FAM162A: variants seen among roughly 807,000 people sequenced by gnomAD.
FAM162A encodes the protein family with sequence similarity 162 member A.
In FAM162A, 23 loss-of-function variants were observed where a neutral mutation model predicts 21.8. The ratio of observed to expected loss-of-function variants is 1.05; its 90% CI spans 0.76 to 1.49. FAM162A has a LOEUF of 1.49. Ranked by LOEUF, FAM162A falls within the 40% of genes most tolerant of loss-of-function variation. The pLI, the probability that FAM162A is intolerant of heterozygous loss-of-function variation, is 0.00. For synonymous variants in FAM162A, 53 were observed against 61.3 expected (o/e 0.86, Z 0.64); for missense variants, 165 against 186.4 (o/e 0.89, Z 0.67).
intron 1 of FAM162A, among the ~76,000 whole-genome samples, chr3:122,399,932 C>T (rs562839993): frequency 2.6e-5 from 4 of 152,210 alleles, no homozygotes; most frequent in East Asian, 1.9e-4. Flanking sequence ...GGTAAAACCC[C>T]GTCTCTACTA....
At chr3:122,387,952 G>A (rs192420482) in intron 1 of FAM162A, among the ~76,000 whole-genome samples, 36 of 152,240 alleles carry the variant, frequency 2.4e-4, no homozygotes, top group Non-Finnish European at 3.1e-4. Flanking sequence ...GGATATGAGA[G>A]AGGAAAGATT....
intron 2 of FAM162A, among the ~76,000 whole-genome samples, chr3:122,403,163 A>G (rs975968043): frequency 6.6e-6 from 1 of 152,212 alleles, no homozygotes; most frequent in Non-Finnish European, 1.5e-5. Context: ...ACGTAGGCCC[A>G]TGTTCCTACA....
rs923672188 is a variant in FAM162A, at chr3:122,412,115, C to T, written c.*2284C>T. On this transcript the variant is annotated 3_prime_UTR_variant, in exon 5 of 5. Transcript: ENST00000477892. Reference sequence around the variant, plus strand: ...ATAGTCCTCAGATTTATCAAGCAAACGAAACTGAATGAGCACTACTATAAG... The same window carrying T: ...ATAGTCCTCAGATTTATCAAGCAAATGAAACTGAATGAGCACTACTATAAG... The T allele has an allele frequency of 4.6e-5, 7 of 152,214 alleles. No homozygotes were observed. The highest frequency in any genetic ancestry group is 1.0e-4 in the Non-Finnish European group (7 of 68,030). 9.4% of individuals were successfully genotyped at this position (152,214 alleles called of 1,614,324 possible).
chr3:122,405,795 T>C (rs1221588703), intron 3 of FAM162A, among the ~76,000 whole-genome samples: 1 of 152,240 alleles, frequency 6.6e-6, no homozygotes, highest in African/African-American at 2.4e-5. Flanking sequence ...AATGGATTAC[T>C]TTTCATGAGG....
At chr3:122,397,328 A>C (rs966753903) in intron 1 of FAM162A, among the ~76,000 whole-genome samples, 3 of 151,980 alleles carry the variant, frequency 2.0e-5, no homozygotes, top group Non-Finnish European at 4.4e-5. Flanking sequence ...ACTGCTCCAA[A>C]CTCTGAGGCT....
intron 3 of FAM162A, among the ~76,000 whole-genome samples, chr3:122,405,626 T>C (rs1053821982): frequency 9.9e-5 from 15 of 152,182 alleles, no homozygotes; most frequent in African/African-American, 2.9e-4. Flanking sequence ...CCTTCCTCAG[T>C]CTGCCTAATA....
intron 1 of FAM162A, 79 bp from the exon 2 acceptor site, chr3:122,402,681 C>T (rs2075658070): frequency 1.5e-6 from 2 of 1,320,070 alleles, no homozygotes; most frequent in East Asian, 4.9e-5. Flanking sequence ...TGAAACGTAA[C>T]TTGCGGGTAT....
chr3:122,388,831 C>T (rs1021860793), intron 1 of FAM162A, among the ~76,000 whole-genome samples: 9 of 152,076 alleles, frequency 5.9e-5, no homozygotes, highest in African/African-American at 1.7e-4. Context: ...GGGCGGATCA[C>T]GAGGTCAGGA....
chr3:122,409,619 G>C (rs4306808), intron 4 of FAM162A, 120 bp from the exon 5 acceptor site: 686,333 of 792,950 alleles, frequency 0.87, 298,411 homozygotes, highest in East Asian at 0.94. Flanking sequence ...TGCTCAGTGT[G>C]CAAGCAGCAG....
chr3:122,402,698 T>C, intron 1 of FAM162A, 62 bp from the exon 2 acceptor site: 1 of 1,444,866 alleles, frequency 6.9e-7, no homozygotes, highest in Non-Finnish European at 9.2e-7. Context: ...GTATTTCTTA[T>C]TTTGAGAAAA....
intron 4 of FAM162A, among the ~76,000 whole-genome samples, chr3:122,408,470 G>GT (rs1282231550): frequency 6.6e-6 from 1 of 152,134 alleles, no homozygotes; most frequent in African/African-American, 2.4e-5. Flanking sequence ...CTTATCCTCA[G>GT]TAATTCCAGA....
At chr3:122,408,555 C>T (rs1260500954) in intron 4 of FAM162A, among the ~76,000 whole-genome samples, 1 of 152,210 alleles carries the variant, frequency 6.6e-6, no homozygotes, top group African/African-American at 2.4e-5. Flanking sequence ...AGGCTGACCT[C>T]ATGGGAGTAC....
At chr3:122,407,233 A>T in intron 3 of FAM162A, 48 bp from the exon 4 acceptor site, 1 of 1,535,740 alleles carries the variant, frequency 6.5e-7, no homozygotes, top group Non-Finnish European at 9.0e-7. Flanking sequence ...GCAACTTCAG[A>T]AAGGGAAAAG....
chr3:122,389,801 T>G (rs2075592590), intron 1 of FAM162A, among the ~76,000 whole-genome samples: 1 of 152,238 alleles, frequency 6.6e-6, no homozygotes, highest in African/African-American at 2.4e-5. Flanking sequence ...GTGCTATGAT[T>G]ATGAGTGCTT....
intron 2 of FAM162A, among the ~76,000 whole-genome samples, chr3:122,403,342 C>T (rs1024971002): frequency 3.9e-5 from 6 of 152,202 alleles, no homozygotes; most frequent in African/African-American, 1.4e-4. Context: ...TTGTCATTTT[C>T]ATCTTCTTGC....
chr3:122,388,603 G>C (rs914468627), intron 1 of FAM162A, among the ~76,000 whole-genome samples: 2 of 152,166 alleles, frequency 1.3e-5, no homozygotes, highest in Non-Finnish European at 2.9e-5. Flanking sequence ...CATTAAAGAA[G>C]ATTGGTCATA....
At chr3:122,390,788 G>A (rs1046587401) in intron 1 of FAM162A, among the ~76,000 whole-genome samples, 2 of 152,128 alleles carry the variant, frequency 1.3e-5, no homozygotes, top group Non-Finnish European at 2.9e-5. Flanking sequence ...GGGTCCCCCA[G>A]GTGATTTCGA....
At chr3:122,402,987 C>T (rs1038531806) in intron 2 of FAM162A, 105 bp downstream of exon 2, 2 of 1,257,732 alleles carry the variant, frequency 1.6e-6, no homozygotes, top group African/African-American at 3.0e-5. Flanking sequence ...ATCATACCCT[C>T]CCATGTAGAG....
Position 122,402,783 on chromosome 3 carries a change from A to C in FAM162A, c.58A>C (p.Arg20=). 6.4e-7 allele frequency: 1 copy of C among 1,567,202 alleles called. No individual in the cohort carries two copies. The highest frequency in any genetic ancestry group is 8.6e-7 in the Non-Finnish European group (1 of 1,158,876). Residue 20 remains arginine, a synonymous_variant, in exon 2 of 5, where the codon AGA becomes CGA. Transcript: ENST00000477892. ...AGGAAGCTGTTTTAGGTTATGTGAA[A>C]GAGATGTTTCCTCATCTCTAAGGCT... The part of the protein sequence containing the change: ...AAGSCFRLCE[R]DVSSSLRLTR...
Sources: allele counts gnomAD v4.1 joint callset (sites outside exome capture counted in the v4.1 genomes callset), GRCh38; gene constraint gnomAD v4.1.1; transcripts MANE v1.5; gene names NCBI Gene and HGNC (gene_info 2026-07-23, HGNC 2026-07-21).